Variants in CDC16 observed in about 807,000 individuals in gnomAD.
CDC16 encodes cell division cycle protein 16 homolog.
In CDC16, 34 loss-of-function variants were observed where a neutral mutation model predicts 87.0. The observed-to-expected ratio is 0.39, with a 90% confidence interval of 0.30 to 0.52. The LOEUF (loss-of-function observed/expected upper bound fraction) is 0.52. Among genes scored for constraint, CDC16 ranks in the 20% least tolerant of loss-of-function variants. The pLI is 0.74. For missense variants in CDC16, 653 were observed against 751.9 expected, an observed-to-expected ratio of 0.87 and a Z score of 1.54; for synonymous variants, 263 against 260.6, an observed-to-expected ratio of 1.01 and a Z score of -0.09.
chr13:114,254,898 C>T (rs1163874417), intron 12 of CDC16, among the ~76,000 whole-genome samples: 1 of 152,174 alleles, frequency 6.6e-6, no homozygotes, highest in East Asian at 1.9e-4. Context: ...GAAACACTTA[C>T]CATCTATCCT....
chr13:114,265,008 T>C, intron 16 of CDC16, 142 bp from the exon 17 acceptor site: 1 of 646,344 alleles, frequency 1.5e-6, no homozygotes. Context: ...ACTTCAACAA[T>C]CTTTGGTTCA....
At chr13:114,256,413 C>A (rs1310415291) in intron 12 of CDC16, among the ~76,000 whole-genome samples, 6 of 152,122 alleles carry the variant, frequency 3.9e-5, no homozygotes, top group African/African-American at 1.4e-4. Flanking sequence ...ACACACCAAG[C>A]AATCAGTATT....
At chr13:114,248,543 T>C (rs1189735024) in intron 11 of CDC16, among the ~76,000 whole-genome samples, 4 of 152,084 alleles carry the variant, frequency 2.6e-5, no homozygotes. Flanking sequence ...CAGCTGGACA[T>C]GGTGGCATGC....
At chr13:114,244,708 TC>T (rs1243558397) in intron 8 of CDC16, 181 bp from the exon 9 acceptor site, 1 of 404,732 alleles carries the variant, frequency 2.5e-6, no homozygotes, top group African/African-American at 2.1e-5. Context: ...ATTTTTTCTT[TC>T]ATTTGTAACT....
chr13:114,243,860 A>G lies in CDC16; in HGVS notation c.638A>G (p.Asn213Ser). Residue 213 changes from asparagine (N) to serine (S), a missense_variant, in exon 8 of 18, where the codon AAT (asparagine) becomes AGT (serine). Physicochemically the swap from Asn to Ser is conservative, Grantham distance 46. Transcript: ENST00000356221. ...FLFENKLKKY[N>S]KPSETVIPES... ...TTACATTTCTATGTGTTTCAGTATA[A>G]TAAGCCTAGTGAAACGGTCATCCCT... is the stretch of plus-strand genomic sequence containing the variant. 6.2e-7 allele frequency: 1 copy of G among 1,608,708 alleles called. No individual in the cohort carries two copies. Among genetic ancestry groups the G allele is most frequent in the Non-Finnish European group, 8.5e-7 (1 of 1,176,338 alleles).
Position 114,259,212 on chromosome 13 carries a change from TA to T in CDC16, c.1251-121del, listed in dbSNP as rs2082693955. On this transcript the variant is annotated intron_variant, in intron 13 of 17. Coordinates refer to ENST00000356221, the MANE Select transcript of CDC16 (RefSeq NM_001078645.3). ...TTTGTGACTTAACTTTGAATTTTTA[TA>T]ATTATTTCCAGCAGTTTACCCCATT... The T allele has an allele frequency of 5.4e-6, 3 of 557,410 alleles. No homozygotes were observed. The Admixed American group carries it at 1.2e-4, about 22-fold the overall frequency. The allele number at this position is 557,410 out of a possible 1,614,324, so 34.5% of individuals were successfully genotyped here.
At chr13:114,244,662 A>C (rs540862729) in intron 8 of CDC16, 1 of 356,152 alleles carries the variant, frequency 2.8e-6, no homozygotes, top group Non-Finnish European at 5.0e-6. Context: ...AATGTATGTG[A>C]TAATGTTTAT....
In CDC16 at chr13:114,265,227, T is replaced by C. The variant is rs758559304; in HGVS notation, c.1590T>C (p.Ser530=). ...GHCIEMYIGD[S]EAYIGADIKD... is the part of the protein sequence containing the mutation. ...GCATCGAAATGTACATTGGTGATTCTGAAGCTTATATTGGTAAGATAATCG... is the reference window on the plus strand; with the variant it reads ...GCATCGAAATGTACATTGGTGATTCCGAAGCTTATATTGGTAAGATAATCG... Residue 530 remains serine, a synonymous_variant, in exon 17 of 18, where the codon TCT becomes TCC. Coordinates refer to ENST00000356221, the MANE Select transcript of CDC16 (RefSeq NM_001078645.3). 1.2e-6 allele frequency: 2 copies of C among 1,601,252 alleles called. No individual in the cohort carries two copies. The highest frequency in any genetic ancestry group is 1.7e-6 in the Non-Finnish European group (2 of 1,168,274).
chr13:114,241,509 T>A lies in CDC16; in HGVS notation c.382-612T>A, dbSNP rs926935212. 3.3e-5 allele frequency among the ~76,000 whole-genome samples: 5 copies of A among 152,334 alleles called. No homozygotes were observed. In the East Asian group the frequency reaches 7.7e-4, roughly 23 times the overall value. On this transcript the variant is annotated intron_variant, in intron 5 of 17. Coordinates refer to ENST00000356221, the MANE Select transcript of CDC16 (RefSeq NM_001078645.3). ...GAGTTTTATACACATGCACACACACTCTGCCATCTCTAAATCATTGCACTG... is the reference window on the plus strand; with the variant it reads ...GAGTTTTATACACATGCACACACACACTGCCATCTCTAAATCATTGCACTG...
At chr13:114,236,947 C>G in intron 3 of CDC16, 51 bp downstream of exon 3, 1 of 1,253,648 alleles carries the variant, frequency 8.0e-7, no homozygotes, top group East Asian at 2.4e-5. Flanking sequence ...AAAAAAATGT[C>G]ATTAGTGGCC....
intron 11 of CDC16, among the ~76,000 whole-genome samples, chr13:114,250,231 G>C (rs1461537233): frequency 6.6e-6 from 1 of 152,056 alleles, no homozygotes; most frequent in African/African-American, 2.4e-5. Context: ...AGTGGCTCAC[G>C]CCTGTAATCC....
chr13:114,257,339 T>C (rs1332692822), intron 13 of CDC16, 109 bp downstream of exon 13: 2 of 682,350 alleles, frequency 2.9e-6, no homozygotes, highest in Non-Finnish European at 4.7e-6. Context: ...TTTGTACTTT[T>C]AAATGTTCTA....
chr13:114,266,239 C>T (rs1434786892), intron 17 of CDC16, among the ~76,000 whole-genome samples: 2 of 152,084 alleles, frequency 1.3e-5, no homozygotes, highest in African/African-American at 4.8e-5. Flanking sequence ...CTTGGGGTTC[C>T]CTGAGGAAAA....
At chr13:114,247,113 A>AT in intron 11 of CDC16, 109 bp downstream of exon 11, 3 of 691,372 alleles carry the variant, frequency 4.3e-6, no homozygotes, top group African/African-American at 1.9e-5. Flanking sequence ...GAAAGAATAA[A>AT]TGTTTTTTTT....
chr13:114,252,833 T>C (rs1048145642), intron 12 of CDC16, among the ~76,000 whole-genome samples: 5 of 152,308 alleles, frequency 3.3e-5, no homozygotes, highest in Admixed American at 6.5e-5. Context: ...ACAAACTTTG[T>C]CATTAAATTC....
rs755616802 is a variant in CDC16, at chr13:114,257,207, C to G, written c.1227C>G (p.Gly409=). The G allele has an allele frequency of 3.1e-6, 5 of 1,607,212 alleles. No homozygotes were observed. In the East Asian group the frequency reaches 1.1e-4, roughly 36 times the overall value. ...ACCCTTTTGTTATGCATGAGGTCGG[C>G]GTGGTTGCATTTCAGAATGGAGAGT... ...PEDPFVMHEV[G]VVAFQNGEWK... The change falls in exon 13 of 18, where the codon GGC becomes GGG. Residue 409 remains glycine, a synonymous_variant. Transcript: ENST00000356221.
At chr13:114,258,888 A>C (rs988868774) in intron 13 of CDC16, among the ~76,000 whole-genome samples, 19 of 152,124 alleles carry the variant, frequency 1.2e-4, no homozygotes, top group Non-Finnish European at 4.4e-5. Context: ...GCTTGAGGCC[A>C]GGAGTTTGAG....
In CDC16 at chr13:114,259,378, A is replaced by G. The variant is rs2082703889; in HGVS notation, c.1294A>G (p.Ile432Val). The G allele has an allele frequency of 1.9e-6, 3 of 1,572,650 alleles. No individual in the cohort carries two copies. In the African/African-American group the frequency reaches 4.2e-5, roughly 22 times the overall value. The change falls in exon 14 of 18, where the codon ATT (isoleucine) becomes GTT (valine). Residue 432 changes from isoleucine (I) to valine (V), a missense_variant. Physicochemically the swap from Ile to Val is conservative, Grantham distance 29. Coordinates refer to ENST00000356221, the MANE Select transcript of CDC16 (RefSeq NM_001078645.3). ...EKWFLDALEK[I>V]KAIGNEVTVD... Reference sequence around the variant, plus strand: ...ATGGTTTCTTGATGCTTTGGAAAAAATTAAAGCAATTGGGAACGAGGTATT... The same window carrying G: ...ATGGTTTCTTGATGCTTTGGAAAAAGTTAAAGCAATTGGGAACGAGGTATT...
rs562018228 is a variant in CDC16 at position 114,244,655 on chromosome 13, G to T, written c.768-235G>T. 24 of 338,166 alleles carry T rather than the reference G, an allele frequency of 7.1e-5. No homozygotes were observed. The Middle Eastern group carries it at 1.4e-3, about 20-fold the overall frequency. The allele number at this position is 338,166 out of a possible 1,614,324, so 20.9% of individuals were successfully genotyped here. On this transcript the variant is annotated intron_variant, in intron 8 of 17. Coordinates refer to ENST00000356221, the MANE Select transcript of CDC16 (RefSeq NM_001078645.3). The stretch of plus-strand genomic sequence containing the variant: ...ACAATTCTGTTGACTTAAAGTAAAT[G>T]TATGTGATAATGTTTATTTTTATTC...
Sources: gnomAD v4.1 joint callset for allele counts (sites outside exome capture counted in the v4.1 genomes callset) on GRCh38, gnomAD v4.1.1 for gene constraint, MANE v1.5 for transcripts, NCBI Gene and HGNC (gene_info 2026-07-23, HGNC 2026-07-21) for gene names.